Variants in DLG2 observed in about 807,000 individuals in gnomAD.
The protein encoded by DLG2 is discs large MAGUK scaffold protein 2.
A neutral mutation model predicts 132.5 loss-of-function variants in DLG2; 45 were observed. The ratio of observed to expected loss-of-function variants is 0.34; its 90% CI spans 0.27 to 0.44. The LOEUF (loss-of-function observed/expected upper bound fraction) is 0.44, where lower values mean the gene tolerates loss of function less well. Among genes scored for constraint, DLG2 ranks in the 20% least tolerant of loss-of-function variants. The pLI, the probability that DLG2 is intolerant of heterozygous loss-of-function variation, is 1.00. For missense variants in DLG2, 1,045 were observed against 1,196.9 expected, an observed-to-expected ratio of 0.87 and a Z score of 1.87; for synonymous variants, 424 against 419.6, an observed-to-expected ratio of 1.01 and a Z score of -0.13.
intron 17 of DLG2, among the ~76,000 whole-genome samples, chr11:83,810,551 A>T (rs1041364585): frequency 3.3e-5 from 5 of 152,024 alleles, no homozygotes; most frequent in African/African-American, 1.2e-4. Flanking sequence ...TTTGTACTTT[A>T]GTTCCTTTGT....
intron 3 of DLG2, among the ~76,000 whole-genome samples, chr11:85,380,975 T>C (rs1427426876): frequency 1.3e-5 from 2 of 152,098 alleles, no homozygotes; most frequent in Non-Finnish European, 2.9e-5. Context: ...TACAGAAAAA[T>C]CACATGAACT....
At chr11:84,323,344 C>T (rs1245178403) in intron 7 of DLG2, among the ~76,000 whole-genome samples, 2 of 152,092 alleles carry the variant, frequency 1.3e-5, no homozygotes, top group Non-Finnish European at 2.9e-5. Context: ...CTTTAGGATT[C>T]ACCCTTGTTG....
At chr11:83,980,468 T>C in intron 12 of DLG2, 38 bp downstream of exon 12, 4 of 1,588,672 alleles carry the variant, frequency 2.5e-6, no homozygotes, top group Non-Finnish European at 3.4e-6. Context: ...ACAAGAGCTT[T>C]ATAAATATAC....
At chr11:85,423,622 G>C (rs1007110878) in intron 3 of DLG2, among the ~76,000 whole-genome samples, 1 of 152,074 alleles carries the variant, frequency 6.6e-6, no homozygotes, top group African/African-American at 2.4e-5. Flanking sequence ...GTGGGGGATG[G>C]GGGTGAGCTT....
intron 19 of DLG2, among the ~76,000 whole-genome samples, chr11:83,560,243 G>C (rs1230271463): frequency 6.6e-6 from 1 of 151,946 alleles, no homozygotes; most frequent in Admixed American, 6.6e-5. Context: ...TCAGCCTCTG[G>C]AATAGCTGGG....
intron 18 of DLG2, among the ~76,000 whole-genome samples, chr11:83,726,920 T>C (rs1013024680): frequency 2.0e-5 from 3 of 152,150 alleles, no homozygotes; most frequent in African/African-American, 4.8e-5. Flanking sequence ...CAAATGCCTG[T>C]TGCATCTAAG....
chr11:85,252,079 G>A (rs2076423314), intron 4 of DLG2, among the ~76,000 whole-genome samples: 1 of 152,176 alleles, frequency 6.6e-6, no homozygotes, highest in Non-Finnish European at 1.5e-5. Context: ...ACATGCCAAA[G>A]AGAGGCAATG....
At chr11:84,507,872 C>T (rs1193343442) in intron 7 of DLG2, among the ~76,000 whole-genome samples, 1 of 152,106 alleles carries the variant, frequency 6.6e-6, no homozygotes, top group Non-Finnish European at 1.5e-5. Flanking sequence ...ATTCAGTTTG[C>T]TAGTTTGTTG....
chr11:83,614,146 G>A lies in DLG2; in HGVS notation c.1940+19065C>T, dbSNP rs922020000. Among the ~76,000 whole-genome samples, 8 of 152,182 alleles carry A rather than the reference G, an allele frequency of 5.3e-5. No individual in the cohort carries two copies. The East Asian group carries it at 1.2e-3, about 22-fold the overall frequency. The stretch of plus-strand genomic sequence containing the variant: ...GTGAGTTCCAAATTCAGTGTAGGGT[G>A]GGGAGGTGGAGTTGGAGGTTCTTTT... On this transcript the variant is annotated intron_variant, in intron 19 of 27. Transcript: ENST00000376104.
intron 6 of DLG2, among the ~76,000 whole-genome samples, chr11:84,804,436 C>T (rs1331676793): frequency 1.3e-5 from 2 of 152,156 alleles, no homozygotes; most frequent in Admixed American, 6.5e-5. Context: ...ATTCTTCCTA[C>T]TATGTACAAA....
intron 7 of DLG2, among the ~76,000 whole-genome samples, chr11:84,262,752 C>T (rs987145311): frequency 6.6e-6 from 1 of 152,146 alleles, no homozygotes; most frequent in Non-Finnish European, 1.5e-5. Flanking sequence ...AGCTTAGCTC[C>T]CACATATCAG....
intron 7 of DLG2, among the ~76,000 whole-genome samples, chr11:84,354,105 G>A (rs1009792205): frequency 6.6e-6 from 1 of 152,164 alleles, no homozygotes; most frequent in Non-Finnish European, 1.5e-5. Flanking sequence ...TAATGAAGGT[G>A]TTGATTTAAT....
rs182044506 is a variant in DLG2 at position 85,531,510 on chromosome 11, C to T, written c.40+67147G>A. Among the ~76,000 whole-genome samples, 305 of 152,222 alleles carry T rather than the reference C, an allele frequency of 2.0e-3. 1 individual carries two copies. In the Middle Eastern group the frequency reaches 0.02, roughly 10 times the overall value. ...AAAAATTAGAGCCTCTCATCCAAGA[C>T]GTCACAAACCAATGGAATTTTAAAA... On this transcript the variant is annotated intron_variant, in intron 3 of 27. Transcript: ENST00000376104.
In DLG2 at chr11:83,743,785, T is replaced by A. The variant is rs185729222; in HGVS notation, c.1825+42905A>T. Among the ~76,000 whole-genome samples the A allele has an allele frequency of 9.2e-5, 14 of 152,198 alleles. No homozygotes were observed. The East Asian group carries it at 2.1e-3, about 23-fold the overall frequency. On this transcript the variant is annotated intron_variant, in intron 18 of 27. Coordinates refer to ENST00000376104, the MANE Select transcript of DLG2 (RefSeq NM_001142699.3). Reference sequence around the variant, plus strand: ...TGCTTCAGTTTTCTCATCTATAAATTGTAGACAAAAAATAGCATGCACCTC... The same window carrying A: ...TGCTTCAGTTTTCTCATCTATAAATAGTAGACAAAAAATAGCATGCACCTC...
intron 19 of DLG2, among the ~76,000 whole-genome samples, chr11:83,614,821 C>A (rs150944995): frequency 2.6e-5 from 4 of 152,166 alleles, no homozygotes; most frequent in African/African-American, 7.2e-5. Context: ...TCCTTAGAAC[C>A]ACAGACTGAT....
At position 83,670,505 on chromosome 11, in the gene DLG2, C is replaced by T. The variant is rs1471319274; in HGVS notation, c.1826-37180G>A. Among the ~76,000 whole-genome samples, 4 of 151,764 alleles carry T rather than the reference C, an allele frequency of 2.6e-5. No homozygotes were observed. The East Asian group carries it at 5.8e-4, about 22-fold the overall frequency. ...AATATCAGGAATTTTATCTCTACCA[C>T]AGAAGAAAATGAATACCTTTGGGCT... On this transcript the variant is annotated intron_variant, in intron 18 of 27. Coordinates refer to ENST00000376104, the MANE Select transcript of DLG2 (RefSeq NM_001142699.3).
intron 3 of DLG2, among the ~76,000 whole-genome samples, chr11:85,503,088 T>G (rs2153133936): frequency 6.6e-6 from 1 of 152,252 alleles, no homozygotes; most frequent in Admixed American, 6.5e-5. Flanking sequence ...ACATAAAGTA[T>G]TATTCAATTT....
intron 7 of DLG2, among the ~76,000 whole-genome samples, chr11:84,308,537 C>A (rs1021173093): frequency 6.6e-6 from 1 of 152,218 alleles, no homozygotes; most frequent in Non-Finnish European, 1.5e-5. Context: ...TGCCAGTCCC[C>A]CGCCGTGCGC....
intron 18 of DLG2, among the ~76,000 whole-genome samples, chr11:83,706,919 G>T (rs1157347547): frequency 6.6e-6 from 1 of 152,218 alleles, no homozygotes; most frequent in Admixed American, 6.5e-5. Context: ...ACACCTTTAA[G>T]ATTCTTCTAA....
Sources: gnomAD v4.1 joint callset for allele counts (sites outside exome capture counted in the v4.1 genomes callset) on GRCh38, gnomAD v4.1.1 for gene constraint, MANE v1.5 for transcripts, NCBI Gene and HGNC (gene_info 2026-07-23, HGNC 2026-07-21) for gene names.